Variants in AXDND1 observed in about 807,000 individuals in gnomAD.
The protein encoded by AXDND1 is axonemal dynein light chain domain containing 1.
Under a neutral mutation model 137.5 loss-of-function variants are expected in AXDND1, and 110 were observed. That is an observed-to-expected ratio of 0.80 (90% CI 0.69 to 0.94). AXDND1 has a LOEUF of 0.94. Ranked by LOEUF, AXDND1 falls within the 40% of genes least tolerant of loss-of-function variation. The pLI is 0.00. For missense variants in AXDND1, 1,191 were observed against 1,169.8 expected, an observed-to-expected ratio of 1.02 and a Z score of -0.26; for synonymous variants, 414 against 399.7, an observed-to-expected ratio of 1.04 and a Z score of -0.43.
chr1:179,451,029 A>G (rs1353375933), intron 16 of AXDND1: 1 of 152,216 alleles, frequency 6.6e-6, no homozygotes, highest in Non-Finnish European at 1.5e-5. Context: ...GTTATAAGAT[A>G]TATTTATCTG....
chr1:179,423,007 G>T (rs955678409), intron 12 of AXDND1, among the ~76,000 whole-genome samples: 3 of 151,910 alleles, frequency 2.0e-5, no homozygotes, highest in African/African-American at 4.8e-5. Context: ...CAAGTGATCC[G>T]CCCACCTTAG....
chr1:179,538,668 A>G (rs1314124400), intron 25 of AXDND1, among the ~76,000 whole-genome samples: 2 of 152,092 alleles, frequency 1.3e-5, no homozygotes, highest in Non-Finnish European at 2.9e-5. Flanking sequence ...TGTATATTCT[A>G]TTGATTTGGG....
At chr1:179,475,108 A>T (rs1333814467) in intron 17 of AXDND1, among the ~76,000 whole-genome samples, 1 of 152,172 alleles carries the variant, frequency 6.6e-6, no homozygotes, top group Non-Finnish European at 1.5e-5. Flanking sequence ...ATTTCAGAGG[A>T]TGTATGGAAG....
chr1:179,457,068 C>G, intron 16 of AXDND1: 1 of 1,413,954 alleles, frequency 7.1e-7, no homozygotes, highest in Non-Finnish European at 9.9e-7. Context: ...TCTCTTGAGA[C>G]AGCTCTCTTT....
intron 23 of AXDND1, 113 bp from the exon 24 acceptor site, chr1:179,533,682 A>G: frequency 1.5e-6 from 1 of 650,110 alleles, no homozygotes; most frequent in Non-Finnish European, 2.6e-6. Context: ...TTAGATAGAT[A>G]TGGGTAGTAG....
Position 179,439,526 on chromosome 1 carries a change from T to G in AXDND1, c.1564-5444T>G, listed in dbSNP as rs981470418. On this transcript the variant is annotated intron_variant, in intron 15 of 25. Coordinates refer to ENST00000367618, the MANE Select transcript of AXDND1 (RefSeq NM_144696.6). ...TCAGGAGGAGTTTCACTCCAAAGTTTAGGTCGTACTGCTGGGGGATTGGGA... is the reference window on the plus strand; with the variant it reads ...TCAGGAGGAGTTTCACTCCAAAGTTGAGGTCGTACTGCTGGGGGATTGGGA... Among the ~76,000 whole-genome samples, 3 of 152,258 alleles carry G rather than the reference T, an allele frequency of 2.0e-5. No homozygotes were observed. In the South Asian group the frequency reaches 6.2e-4, roughly 32 times the overall value.
chr1:179,400,133 A>G (rs976890785), intron 11 of AXDND1, among the ~76,000 whole-genome samples: 1 of 152,238 alleles, frequency 6.6e-6, no homozygotes, highest in African/African-American at 2.4e-5. Context: ...GCATGTTCAT[A>G]GTGGCACAAT....
intron 15 of AXDND1, among the ~76,000 whole-genome samples, chr1:179,444,385 G>C (rs1171975196): frequency 6.6e-6 from 1 of 152,018 alleles, no homozygotes; most frequent in Non-Finnish European, 1.5e-5. Flanking sequence ...ACTCCTAATT[G>C]CTCTTCTACA....
chr1:179,391,014 C>A lies in AXDND1; in HGVS notation c.864-2889C>A, dbSNP rs576699831. 4.4e-3 allele frequency among the ~76,000 whole-genome samples: 672 copies of A among 151,956 alleles called. 4 individuals carry two copies. Among genetic ancestry groups the A allele is most frequent in the Admixed American group, 7.4e-3 (113 of 15,260 alleles). ...AGAGATAGGGTTTATCCATGTTGGT[C>A]AGGCTGGTCTCAAACTCCCGACATC... On this transcript the variant is annotated intron_variant, in intron 9 of 25. Coordinates refer to ENST00000367618, the MANE Select transcript of AXDND1 (RefSeq NM_144696.6).
chr1:179,553,826 G>T (rs1202413362), intron 25 of AXDND1, among the ~76,000 whole-genome samples: 1 of 151,950 alleles, frequency 6.6e-6, no homozygotes, highest in Non-Finnish European at 1.5e-5. Context: ...ACTCACTGCA[G>T]CCTCCGCCTC....
intron 24 of AXDND1, among the ~76,000 whole-genome samples, 154 bp downstream of exon 24, chr1:179,534,031 T>C (rs574173018): frequency 6.6e-6 from 1 of 152,320 alleles, no homozygotes; most frequent in East Asian, 1.9e-4. Flanking sequence ...CTAGAGGCAG[T>C]AAACTACACT....
At chr1:179,407,761 T>C (rs4133136) in intron 11 of AXDND1, among the ~76,000 whole-genome samples, 18,359 of 152,156 alleles carry the variant, frequency 0.12, 1,293 homozygotes, top group East Asian at 0.35. Context: ...TGGGGATCTT[T>C]GAGCTTCTTG....
At chr1:179,404,650 G>T (rs1042151960) in intron 11 of AXDND1, among the ~76,000 whole-genome samples, 1 of 152,150 alleles carries the variant, frequency 6.6e-6, no homozygotes, top group Non-Finnish European at 1.5e-5. Flanking sequence ...TGTTGGATTT[G>T]CTTTGCTAGT....
chr1:179,517,534 C>T (rs1669661313), intron 21 of AXDND1, among the ~76,000 whole-genome samples: 8 of 152,204 alleles, frequency 5.3e-5, no homozygotes, highest in Admixed American at 6.5e-5. Flanking sequence ...GGGCGTTTTC[C>T]CCTGTGCCTC....
chr1:179,424,802 C>G (rs548014543), intron 12 of AXDND1, among the ~76,000 whole-genome samples: 3 of 152,266 alleles, frequency 2.0e-5, no homozygotes, highest in Admixed American at 2.0e-4. Context: ...TTCACTGATT[C>G]TTTCCTCTTC....
chr1:179,411,205 T>C lies in AXDND1; in HGVS notation c.1169T>C (p.Met390Thr), dbSNP rs779134971. 6.2e-7 allele frequency: 1 copy of C among 1,612,676 alleles called. No homozygotes were observed. The highest frequency in any genetic ancestry group is 1.7e-5 in the Admixed American group (1 of 59,706). ...TLQRERMEND[M>T]KKLVAERDIW... ...CAAAGAGAAAGGATGGAGAATGATA[T>C]GAAAAAGTTAGTGGCAGAAAGAGAT... The change falls in exon 12 of 26, where the codon ATG becomes ACG. Residue 390 changes from methionine (M) to threonine (T), a missense_variant. By Grantham distance (81) the Met-to-Thr change is moderately conservative. Coordinates refer to ENST00000367618, the MANE Select transcript of AXDND1 (RefSeq NM_144696.6).
chr1:179,397,229 C>T (rs11808460), intron 11 of AXDND1, among the ~76,000 whole-genome samples: 44,310 of 151,960 alleles, frequency 0.29, 6,663 homozygotes, highest in Non-Finnish European at 0.31. Context: ...ATCTTATTTC[C>T]CCTTCACTTA....
intron 11 of AXDND1, among the ~76,000 whole-genome samples, chr1:179,403,128 C>T (rs185526177): frequency 6.6e-6 from 1 of 152,146 alleles, no homozygotes; most frequent in East Asian, 1.9e-4. Flanking sequence ...AGTCAATTAA[C>T]ACATATTTTG....
chr1:179,509,952 A>G (rs1668875019), intron 21 of AXDND1, among the ~76,000 whole-genome samples: 1 of 151,968 alleles, frequency 6.6e-6, no homozygotes, highest in Non-Finnish European at 1.5e-5. Context: ...TTTGTTTAAA[A>G]CTCTAGAACT....
Sources: gnomAD v4.1 joint callset for allele counts (sites outside exome capture counted in the v4.1 genomes callset) on GRCh38, gnomAD v4.1.1 for gene constraint, MANE v1.5 for transcripts, NCBI Gene and HGNC (gene_info 2026-07-23, HGNC 2026-07-21) for gene names.